CCNK: variants seen among roughly 807,000 people sequenced by gnomAD.
CCNK encodes cyclin-K.
In CCNK, 9 loss-of-function variants were observed where a neutral mutation model predicts 65.0. The ratio of observed to expected loss-of-function variants is 0.14; its 90% CI spans 0.08 to 0.24. CCNK has a LOEUF of 0.24. Among genes scored for constraint, CCNK ranks in the 10% least tolerant of loss-of-function variants. The probability of loss-of-function intolerance (pLI) is 1.00; values close to 1 mark genes in which losing one functional copy is unlikely to be tolerated. For missense variants in CCNK, 474 were observed against 720.0 expected (o/e 0.66, Z 3.91); for synonymous variants, 279 against 270.8 (o/e 1.03, Z -0.30).
intron 1 of CCNK, among the ~76,000 whole-genome samples, chr14:99,486,648 T>C (rs562361162): frequency 6.6e-6 from 1 of 152,360 alleles, no homozygotes; most frequent in South Asian, 2.1e-4. Context: ...GTCTTATCCA[T>C]TTGTCTTTTT....
chr14:99,483,011 A>G (rs1278009748), intron 1 of CCNK, among the ~76,000 whole-genome samples: 1 of 152,232 alleles, frequency 6.6e-6, no homozygotes, highest in Non-Finnish European at 1.5e-5. Context: ...TGTATACCAG[A>G]GTATTTGCAG....
At chr14:99,495,725 T>A in intron 4 of CCNK, 96 bp downstream of exon 4, 1 of 1,142,674 alleles carries the variant, frequency 8.8e-7, no homozygotes, top group Admixed American at 2.8e-5. Context: ...CCCTTGTGTC[T>A]GCCAGTCTCT....
chr14:99,502,050 T>C (rs368963004), intron 6 of CCNK, 157 bp from the exon 7 acceptor site: 1 of 777,328 alleles, frequency 1.3e-6, no homozygotes, highest in African/African-American at 1.9e-5. Context: ...CGGGTACCTT[T>C]AGAAGAGTAA....
intron 2 of CCNK, 76 bp downstream of exon 2, chr14:99,492,950 C>A: frequency 8.5e-7 from 1 of 1,180,348 alleles, no homozygotes; most frequent in Non-Finnish European, 1.2e-6. Context: ...ATTCTGTAGA[C>A]AAAATATATA....
At chr14:99,487,586 A>G (rs3918050) in intron 1 of CCNK, among the ~76,000 whole-genome samples, 1 of 152,272 alleles carries the variant, frequency 6.6e-6, no homozygotes, top group African/African-American at 2.4e-5. Flanking sequence ...ATTGAGCAGA[A>G]GAAACCAAAT....
At chr14:99,497,043 C>T (rs1433987173) in intron 4 of CCNK, among the ~76,000 whole-genome samples, 1 of 149,460 alleles carries the variant, frequency 6.7e-6, no homozygotes, top group South Asian at 2.1e-4. Flanking sequence ...TTTTCAGCAT[C>T]CCCCCGACCA....
intron 1 of CCNK, among the ~76,000 whole-genome samples, chr14:99,483,411 G>A (rs1896405023): frequency 6.6e-6 from 1 of 152,132 alleles, no homozygotes; most frequent in African/African-American, 2.4e-5. Flanking sequence ...AAATTAGCCA[G>A]ATGTGGAGGT....
chr14:99,485,853 A>G (rs1190873099), intron 1 of CCNK, among the ~76,000 whole-genome samples: 1 of 152,212 alleles, frequency 6.6e-6, no homozygotes, highest in Non-Finnish European at 1.5e-5. Flanking sequence ...CTCTGTCTCA[A>G]AAAATTAAAA....
At chr14:99,504,431 G>C (rs1896921075) in intron 9 of CCNK, 1 of 148,938 alleles carries the variant, frequency 6.7e-6, no homozygotes, top group African/African-American at 2.5e-5. Context: ...TTGAGGGAAT[G>C]ATGAGTTCAG....
At chr14:99,493,368 G>A (rs1286154372) in intron 2 of CCNK, 146 bp from the exon 3 acceptor site, 1 of 554,064 alleles carries the variant, frequency 1.8e-6, no homozygotes, top group East Asian at 2.9e-5. Flanking sequence ...CTGACACCCT[G>A]AGATTCCCAT....
chr14:99,488,097 A>G (rs1239241664), intron 1 of CCNK, among the ~76,000 whole-genome samples: 1 of 152,218 alleles, frequency 6.6e-6, no homozygotes, highest in Non-Finnish European at 1.5e-5. Context: ...TGCAGACATC[A>G]TGACACTTTA....
chr14:99,484,355 C>T (rs897972035), intron 1 of CCNK, among the ~76,000 whole-genome samples: 8 of 152,206 alleles, frequency 5.3e-5, no homozygotes, highest in Non-Finnish European at 8.8e-5. Flanking sequence ...TGTTAGTTAC[C>T]ACCCCCCTCC....
At chr14:99,493,461 T>C (rs1196666970) in intron 2 of CCNK, 53 bp from the exon 3 acceptor site, 1 of 1,094,336 alleles carries the variant, frequency 9.1e-7, no homozygotes, top group East Asian at 2.4e-5. Context: ...TACATTTAAC[T>C]AAGAGTATAA....
rs538298310 is a variant in CCNK, at chr14:99,484,831, T to G, written c.-53+3352T>G. Among the ~76,000 whole-genome samples the G allele has an allele frequency of 2.0e-5, 3 of 152,394 alleles. No homozygotes were observed. The South Asian group carries it at 6.2e-4, about 32-fold the overall frequency. On this transcript the variant is annotated intron_variant, in intron 1 of 10. Transcript: ENST00000389879. Reference sequence around the variant, plus strand: ...TTGAGTGGTGACATTTACTATTGTTTCCATAATTCTAAATGTTGAAAATAT... The same window carrying G: ...TTGAGTGGTGACATTTACTATTGTTGCCATAATTCTAAATGTTGAAAATAT...
At chr14:99,506,988 G>A in intron 9 of CCNK, 88 bp from the exon 10 acceptor site, 1 of 858,080 alleles carries the variant, frequency 1.2e-6, no homozygotes, top group Middle Eastern at 2.2e-4. Context: ...TTCTCCCAAA[G>A]AAATCTCTGC....
chr14:99,491,264 A>T (rs1205638400), intron 1 of CCNK, among the ~76,000 whole-genome samples: 1 of 152,210 alleles, frequency 6.6e-6, no homozygotes, highest in Non-Finnish European at 1.5e-5. Context: ...CAGCAGTGGG[A>T]ATCCTGGGTC....
intron 1 of CCNK, among the ~76,000 whole-genome samples, chr14:99,483,068 G>A (rs1472826906): frequency 1.3e-5 from 2 of 152,220 alleles, no homozygotes; most frequent in Non-Finnish European, 2.9e-5. Flanking sequence ...AATCCTAAAA[G>A]TACAGTTAAT....
chr14:99,505,280 C>T (rs1352967576), intron 9 of CCNK: 1 of 152,298 alleles, frequency 6.6e-6, no homozygotes, highest in Non-Finnish European at 1.5e-5. Context: ...GCAGGAAGGG[C>T]AGATCCGGAG....
chr14:99,502,042 G>GAA, intron 6 of CCNK, 165 bp from the exon 7 acceptor site: 1 of 691,650 alleles, frequency 1.4e-6, no homozygotes, highest in Non-Finnish European at 2.1e-6. Flanking sequence ...AACTTAGTCG[G>GAA]GTACCTTTAG....
Sources: gnomAD v4.1 joint callset for allele counts (sites outside exome capture counted in the v4.1 genomes callset) on GRCh38, gnomAD v4.1.1 for gene constraint, MANE v1.5 for transcripts, NCBI Gene and HGNC (gene_info 2026-07-23, HGNC 2026-07-21) for gene names.